ANKRD30A: variants seen among roughly 807,000 people sequenced by gnomAD.
ANKRD30A encodes the protein ankyrin repeat domain-containing protein 30A.
Under a neutral mutation model 166.3 loss-of-function variants are expected in ANKRD30A, and 170 were observed. That is an observed-to-expected ratio of 1.02 (90% CI 0.90 to 1.16). The LOEUF (loss-of-function observed/expected upper bound fraction) is 1.16, where lower values mean the gene tolerates loss of function less well. ANKRD30A is among the 50% of genes most tolerant of loss of function. The pLI, the probability that ANKRD30A is intolerant of heterozygous loss-of-function variation, is 0.00. For synonymous variants in ANKRD30A, 564 were observed against 508.9 expected (o/e 1.11, Z -1.46); for missense variants, 1,630 against 1,518.0 (o/e 1.07, Z -1.23).
At position 37,190,829 on chromosome 10, in the gene ANKRD30A, T is replaced by C. The variant is rs1840498357; in HGVS notation, c.2512+1272T>C. 2.0e-5 allele frequency among the ~76,000 whole-genome samples: 3 copies of C among 151,734 alleles called. No homozygotes were observed. In the South Asian group the frequency reaches 6.3e-4, roughly 32 times the overall value. ...TGAAGCATCAATATATAGATATATA[T>C]ATATAGATGTATGTATGTATGTATG... On this transcript the variant is annotated intron_variant, in intron 25 of 35. Transcript: ENST00000361713.
intron 6 of ANKRD30A, among the ~76,000 whole-genome samples, chr10:37,139,991 CAA>C (rs1458083548): frequency 6.6e-6 from 1 of 151,756 alleles, no homozygotes; most frequent in East Asian, 1.9e-4. Flanking sequence ...CCTGAAAGCA[CAA>C]ACAGTCAATT....
In ANKRD30A at chr10:37,158,379, C is replaced by T. The variant is rs1320041860; in HGVS notation, c.1799-13C>T. The stretch of plus-strand genomic sequence containing the variant: ...TTGCATATAATCAATTATGTATGTC[C>T]CTTTTCTTATAGAGTCTCCTAATAA... On this transcript the variant is annotated splice_polypyrimidine_tract_variant and intron_variant, in intron 13 of 35. Coordinates refer to ENST00000361713, the MANE Select transcript of ANKRD30A (RefSeq NM_052997.3). 1 of 1,606,252 alleles carries T rather than the reference C, an allele frequency of 6.2e-7. No homozygotes were observed. Among genetic ancestry groups the T allele is most frequent in the East Asian group, 2.2e-5 (1 of 44,766 alleles).
Position 37,219,480 on chromosome 10 carries a change from T to C in ANKRD30A, c.3768T>C (p.Ala1256=). The change falls in exon 34 of 36, where the codon GCT becomes GCC. Residue 1256 remains alanine, a synonymous_variant. Transcript: ENST00000361713. ...TGCTCCATCAACCACTTTCTGAAGC[T>C]CAAAGGAAATCCAAAAGCCTAAAAA... The part of the protein sequence containing the change: ...NEVLHQPLSE[A]QRKSKSLKIN... 1 of 1,610,170 alleles carries C rather than the reference T, an allele frequency of 6.2e-7. No homozygotes were observed. Among genetic ancestry groups the C allele is most frequent in the Non-Finnish European group, 8.5e-7 (1 of 1,177,636 alleles).
At chr10:37,218,917 C>G (rs1388904840) in intron 33 of ANKRD30A, 63 bp from the exon 34 acceptor site, 87 of 1,080,590 alleles carry the variant, frequency 8.1e-5, no homozygotes, top group Non-Finnish European at 1.0e-4. Flanking sequence ...TCTTTAGTTT[C>G]AGAGGAACCA....
chr10:37,199,131 A>G (rs1464312721), intron 29 of ANKRD30A, among the ~76,000 whole-genome samples: 2 of 152,118 alleles, frequency 1.3e-5, no homozygotes, highest in Non-Finnish European at 2.9e-5. Context: ...AGCAGTTCTT[A>G]ATTCATATGC....
intron 21 of ANKRD30A, among the ~76,000 whole-genome samples, chr10:37,171,918 C>T (rs1839595465): frequency 1.4e-5 from 2 of 143,898 alleles, no homozygotes; most frequent in African/African-American, 5.2e-5. Context: ...CATGCTAGTT[C>T]AGAAGATATT....
the ANKRD30A span, among the ~76,000 whole-genome samples, chr10:37,260,709 T>TG: frequency 4.6e-5 from 7 of 152,188 alleles, no homozygotes; most frequent in Non-Finnish European, 7.3e-5. Flanking sequence ...CAGATATGTG[T>TG]GTATAGCAGC....
At chr10:37,193,013 G>A (rs369715286) in intron 25 of ANKRD30A, 51 bp from the exon 26 acceptor site, 17 of 1,585,910 alleles carry the variant, frequency 1.1e-5, no homozygotes, top group African/African-American at 2.7e-5. Flanking sequence ...ATGTTCGGTA[G>A]GCTTTGTCAA....
At chr10:37,255,600 C>G in the ANKRD30A span, among the ~76,000 whole-genome samples, 1,439 of 152,224 alleles carry the variant, frequency 9.5e-3, 20 homozygotes, top group African/African-American at 0.032. Context: ...TTTATCACCC[C>G]AAACTGAAAC....
chr10:37,223,471 T>C (rs1842986435), intron 34 of ANKRD30A, among the ~76,000 whole-genome samples: 1 of 151,376 alleles, frequency 6.6e-6, no homozygotes, highest in Non-Finnish European at 1.5e-5. Flanking sequence ...CCTGGAATAT[T>C]GTGAACTATT....
intron 34 of ANKRD30A, among the ~76,000 whole-genome samples, chr10:37,227,352 AT>A (rs1341945967): frequency 6.6e-6 from 1 of 151,848 alleles, no homozygotes; most frequent in African/African-American, 2.4e-5. Flanking sequence ...TTGCATATGG[AT>A]ATCCATTTGT....
chr10:37,189,759 A>C (rs1364358692), intron 25 of ANKRD30A, among the ~76,000 whole-genome samples: 2 of 150,218 alleles, frequency 1.3e-5, no homozygotes, highest in Admixed American at 1.3e-4. Flanking sequence ...GAGCTGAATT[A>C]CTAGTTTAAA....
chr10:37,179,469 A>T (rs183513206), intron 24 of ANKRD30A, among the ~76,000 whole-genome samples: 11 of 151,196 alleles, frequency 7.3e-5, no homozygotes, highest in Admixed American at 2.0e-4. Context: ...AATTACAAAA[A>T]TGTTGGCATA....
At chr10:37,261,905 G>C in the ANKRD30A span, 1 of 153,188 alleles carries the variant, frequency 6.5e-6, no homozygotes, top group African/African-American at 2.4e-5. Flanking sequence ...CTGTTGATTT[G>C]TTGAAAATAT....
chr10:37,144,076 AT>A (rs756879505), intron 7 of ANKRD30A, among the ~76,000 whole-genome samples: 1 of 151,904 alleles, frequency 6.6e-6, no homozygotes. Context: ...CTTTTACTGA[AT>A]TTTTTTTAAC....
At chr10:37,178,034 A>C (rs1588867174) in intron 24 of ANKRD30A, among the ~76,000 whole-genome samples, 1 of 151,118 alleles carries the variant, frequency 6.6e-6, no homozygotes, top group African/African-American at 2.4e-5. Context: ...AATAGAGTAA[A>C]TGAAGACTGA....
At chr10:37,264,246 G>A in the ANKRD30A span, among the ~76,000 whole-genome samples, 1 of 152,148 alleles carries the variant, frequency 6.6e-6, no homozygotes, top group Admixed American at 6.6e-5. Flanking sequence ...AACTGAGAGG[G>A]GCCTGCTGTC....
At chr10:37,162,122 T>C (rs1441158322) in intron 15 of ANKRD30A, among the ~76,000 whole-genome samples, 1 of 152,150 alleles carries the variant, frequency 6.6e-6, no homozygotes, top group African/African-American at 2.4e-5. Flanking sequence ...TATAGGCATA[T>C]GATTACACCA....
At chr10:37,161,666 G>T (rs1838884475) in intron 15 of ANKRD30A, among the ~76,000 whole-genome samples, 1 of 152,052 alleles carries the variant, frequency 6.6e-6, no homozygotes, top group African/African-American at 2.4e-5. Context: ...ACTAGAATTG[G>T]GGGAACCACA....
Sources: gnomAD v4.1 joint callset for allele counts (sites outside exome capture counted in the v4.1 genomes callset) on GRCh38, gnomAD v4.1.1 for gene constraint, MANE v1.5 for transcripts, NCBI Gene and HGNC (gene_info 2026-07-23, HGNC 2026-07-21) for gene names.